CLCN3: variants seen among roughly 807,000 people sequenced by gnomAD.
CLCN3 encodes H(+)/Cl(-) exchange transporter 3.
A neutral mutation model predicts 83.4 loss-of-function variants in CLCN3; 16 were observed. The ratio of observed to expected loss-of-function variants is 0.19; its 90% CI spans 0.13 to 0.29. The LOEUF is 0.29. Among genes scored for constraint, CLCN3 ranks in the 10% least tolerant of loss-of-function variants. The pLI, the probability that CLCN3 is intolerant of heterozygous loss-of-function variation, is 1.00. For missense variants in CLCN3, 544 were observed against 1,006.0 expected (o/e 0.54, Z 6.21); for synonymous variants, 322 against 346.2 (o/e 0.93, Z 0.78).
chr4:169,649,173 C>T (rs929708449), intron 2 of CLCN3, among the ~76,000 whole-genome samples: 1 of 152,000 alleles, frequency 6.6e-6, no homozygotes, highest in Non-Finnish European at 1.5e-5. Context: ...GGAGCTTGTA[C>T]AGGTGCAGTT....
At chr4:169,622,152 A>T (rs1247453520) in intron 1 of CLCN3, among the ~76,000 whole-genome samples, 1 of 152,194 alleles carries the variant, frequency 6.6e-6, no homozygotes, top group African/African-American at 2.4e-5. Context: ...ATGATGAGTC[A>T]CATTATTTTA....
intron 3 of CLCN3, among the ~76,000 whole-genome samples, chr4:169,682,908 A>G (rs142262172): frequency 0.025 from 3,790 of 152,218 alleles, 90 homozygotes; most frequent in Admixed American, 0.081. Flanking sequence ...AATGTCTTGT[A>G]TTATTTTGTA....
At chr4:169,623,527 T>C (rs1773157788) in intron 1 of CLCN3, among the ~76,000 whole-genome samples, 1 of 152,250 alleles carries the variant, frequency 6.6e-6, no homozygotes, top group African/African-American at 2.4e-5. Context: ...TGAGAACGTT[T>C]AAAATTAACT....
Position 169,690,511 on chromosome 4 carries a change from C to G in CLCN3, c.607-19C>G, listed in dbSNP as rs768801000. ...GCAATGTAAATTAAATTCATACTCTCGAACTATTTTCTTTTTAGGGTCCTG... is the reference window on the plus strand; with the variant it reads ...GCAATGTAAATTAAATTCATACTCTGGAACTATTTTCTTTTTAGGGTCCTG... On this transcript the variant is annotated intron_variant, in intron 5 of 12. Coordinates refer to ENST00000513761, the MANE Select transcript of CLCN3 (RefSeq NM_001829.4). 45 of 1,599,948 alleles carry G rather than the reference C, an allele frequency of 2.8e-5. No individual in the cohort carries two copies. The East Asian group carries it at 3.6e-4, about 13-fold the overall frequency.
At chr4:169,657,715 TCTC>T (rs371065807) in intron 2 of CLCN3, among the ~76,000 whole-genome samples, 5 of 152,242 alleles carry the variant, frequency 3.3e-5, no homozygotes, top group Non-Finnish European at 7.4e-5. Context: ...AAAAATAACT[TCTC>T]CTTTTGAATT....
chr4:169,713,055 T>C (rs747774583), intron 11 of CLCN3, 24 bp from the exon 12 acceptor site: 1 of 1,574,986 alleles, frequency 6.3e-7, no homozygotes, highest in Non-Finnish European at 8.7e-7. Flanking sequence ...TTTAAAAGTG[T>C]TGGTCTCTTC....
intron 2 of CLCN3, among the ~76,000 whole-genome samples, chr4:169,648,122 A>G (rs115524496): frequency 0.01 from 1,574 of 152,328 alleles, 27 homozygotes; most frequent in African/African-American, 0.036. Flanking sequence ...GAGACAAGAT[A>G]GCTAAATGCA....
chr4:169,697,156 C>G (rs201205503), intron 8 of CLCN3, 33 bp from the exon 9 acceptor site: 35 of 1,389,224 alleles, frequency 2.5e-5, no homozygotes, highest in Non-Finnish European at 3.3e-5. Flanking sequence ...AAAATTATAG[C>G]ATTAATTTTT....
chr4:169,697,466 T>C lies in CLCN3; in HGVS notation c.1295T>C (p.Ile432Thr). 6.2e-7 allele frequency: 1 copy of C among 1,614,206 alleles called. No individual in the cohort carries two copies. The highest frequency in any genetic ancestry group is 8.5e-7 in the Non-Finnish European group (1 of 1,180,032). ...KFGKYPVLEV[I>T]IVAAITAVIA... is the part of the protein sequence containing the mutation. ...GGAAAGTATCCCGTTCTGGAAGTCA[T>C]TATTGTTGCAGCCATTACTGCTGTG... Residue 432 changes from isoleucine to threonine, a missense_variant, in exon 9 of 13, where the codon ATT becomes ACT. Coordinates refer to ENST00000513761, the MANE Select transcript of CLCN3 (RefSeq NM_001829.4).
intron 2 of CLCN3, among the ~76,000 whole-genome samples, chr4:169,678,172 T>C (rs1731756416): frequency 6.6e-6 from 1 of 152,250 alleles, no homozygotes; most frequent in South Asian, 2.1e-4. Context: ...TAAAAATTAC[T>C]ATTTTCAATT....
At chr4:169,661,204 A>AATTGCTT (rs749710005) in intron 2 of CLCN3, among the ~76,000 whole-genome samples, 6 of 152,062 alleles carry the variant, frequency 3.9e-5, no homozygotes, top group Non-Finnish European at 8.8e-5. Flanking sequence ...ATTTTTGTTT[A>AATTGCTT]ATTGCTTATT....
At chr4:169,657,828 GCTCT>G (rs909939821) in intron 2 of CLCN3, among the ~76,000 whole-genome samples, 30 of 152,170 alleles carry the variant, frequency 2.0e-4, no homozygotes, top group East Asian at 5.8e-4. Context: ...TTTGTCTTCT[GCTCT>G]CTCTCTATCT....
At chr4:169,630,989 T>G (rs1421402501) in intron 1 of CLCN3, among the ~76,000 whole-genome samples, 3 of 152,196 alleles carry the variant, frequency 2.0e-5, no homozygotes, top group Non-Finnish European at 4.4e-5. Context: ...ATGGCATTGC[T>G]GGGTCAAATG....
At chr4:169,704,630 T>G (rs1732921141) in intron 10 of CLCN3, among the ~76,000 whole-genome samples, 1 of 152,218 alleles carries the variant, frequency 6.6e-6, no homozygotes, top group South Asian at 2.1e-4. Context: ...TAGTAAAAGA[T>G]GTATTTACCC....
intron 2 of CLCN3, chr4:169,662,867 A>G (rs1241369335): frequency 6.6e-6 from 1 of 152,152 alleles, no homozygotes; most frequent in African/African-American, 2.4e-5. Context: ...GATTTCCTAT[A>G]TAGAAACAAT....
In CLCN3 at chr4:169,680,653, C is replaced by G. The variant is rs146564327; in HGVS notation, c.318+446C>G. 4.4e-3 allele frequency: 666 copies of G among 153,094 alleles called. 3 individuals carry two copies. The highest frequency in any genetic ancestry group is 0.015 in the African/African-American group (642 of 41,548). 9.5% of individuals were successfully genotyped at this position (153,094 alleles called of 1,614,324 possible). Reference sequence around the variant, plus strand: ...TGGTCTTGTGGGATTTTGCTGTTTTCTTTTATCTCCTTTCCCAGCATTTGA... The same window carrying G: ...TGGTCTTGTGGGATTTTGCTGTTTTGTTTTATCTCCTTTCCCAGCATTTGA... On this transcript the variant is annotated intron_variant, in intron 3 of 12. Coordinates refer to ENST00000513761, the MANE Select transcript of CLCN3 (RefSeq NM_001829.4).
chr4:169,688,938 C>CTT lies in CLCN3; in HGVS notation c.419-103_419-102dup, dbSNP rs2068043397. 1.1e-5 allele frequency: 9 copies of CTT among 837,334 alleles called. 1 individual carries two copies. In the Middle Eastern group the frequency reaches 9.0e-4, roughly 84 times the overall value. The allele number at this position is 837,334 out of a possible 1,614,324, so 51.9% of individuals were successfully genotyped here. A position where few individuals can be genotyped will look rare whatever the true frequency, so the allele number is the denominator to read the frequency against. ...ATTTATATGTAGTTCATAAATGACC[C>CTT]TTTATTTAGGAGTCTCCTGCTTTCT... is the stretch of plus-strand genomic sequence containing the variant. On this transcript the variant is annotated intron_variant, in intron 4 of 12. Coordinates refer to ENST00000513761, the MANE Select transcript of CLCN3 (RefSeq NM_001829.4).
intron 12 of CLCN3, among the ~76,000 whole-genome samples, chr4:169,716,940 G>T (rs188036184): frequency 7.4e-4 from 112 of 152,242 alleles, no homozygotes; most frequent in African/African-American, 2.6e-3. Context: ...AGAATTTAAA[G>T]ATTAAAGTTT....
At chr4:169,632,672 G>A (rs1250047092) in intron 1 of CLCN3, among the ~76,000 whole-genome samples, 2 of 135,140 alleles carry the variant, frequency 1.5e-5, no homozygotes, top group South Asian at 2.4e-4. Context: ...AGCAGCGATC[G>A]CGCCACTGCA....
Sources: allele counts gnomAD v4.1 joint callset (sites outside exome capture counted in the v4.1 genomes callset), GRCh38; gene constraint gnomAD v4.1.1; transcripts MANE v1.5; gene names NCBI Gene and HGNC (gene_info 2026-07-23, HGNC 2026-07-21).